Variants in DYNC2I1 observed in about 807,000 individuals in gnomAD.
DYNC2I1 encodes dynein 2 intermediate chain 1, also known as cytoplasmic dynein 2 intermediate chain 1.
In DYNC2I1, 89 loss-of-function variants were observed where a neutral mutation model predicts 133.4. That is an observed-to-expected ratio of 0.67 (90% CI 0.56 to 0.80). DYNC2I1 has a LOEUF of 0.80. Ranked by LOEUF, DYNC2I1 falls within the 30% of genes least tolerant of loss-of-function variation. DYNC2I1 has a pLI of 0.00. For synonymous variants in DYNC2I1, 504 were observed against 484.3 expected, an observed-to-expected ratio of 1.04 and a Z score of -0.54; for missense variants, 1,291 against 1,314.5, an observed-to-expected ratio of 0.98 and a Z score of 0.28.
At chr7:158,854,226 C>T (rs1468445305), upstream of DYNC2I1, among the ~76,000 whole-genome samples, 10 of 152,096 alleles carry the variant, frequency 6.6e-5, no homozygotes, top group African/African-American at 2.4e-4. Context: ...TTAGGTTTTA[C>T]AATAGTGATA....
At chr7:158,873,666 G>A (rs1051532443) in intron 3 of DYNC2I1, among the ~76,000 whole-genome samples, 5 of 152,108 alleles carry the variant, frequency 3.3e-5, no homozygotes, top group Non-Finnish European at 7.4e-5. Flanking sequence ...TTGCCCTGTC[G>A]CCCAGGTTGT....
intron 23 of DYNC2I1, among the ~76,000 whole-genome samples, chr7:158,935,211 C>G (rs1038742038): frequency 1.3e-5 from 2 of 152,364 alleles, no homozygotes; most frequent in East Asian, 3.9e-4. Context: ...AGTCCCTGCG[C>G]TGCACTCATG....
downstream of DYNC2I1, among the ~76,000 whole-genome samples, chr7:158,946,450 A>C (rs374792282): frequency 6.6e-6 from 1 of 152,238 alleles, no homozygotes; most frequent in African/African-American, 2.4e-5. Context: ...CTGCAGGTGG[A>C]ATTCAGCATC....
chr7:158,859,150 C>G (rs11971396), intron 1 of DYNC2I1, among the ~76,000 whole-genome samples: 2,682 of 149,334 alleles, frequency 0.018, 78 homozygotes, highest in African/African-American at 0.062. Flanking sequence ...TGCGAGCTAC[C>G]ATGCCTGGCC....
chr7:158,880,696 CAAAAATGTA>C (rs1429787181), intron 5 of DYNC2I1, among the ~76,000 whole-genome samples: 1 of 152,150 alleles, frequency 6.6e-6, no homozygotes, highest in African/African-American at 2.4e-5. Context: ...CAAGACAGAA[CAAAAATGTA>C]AAAGCATTGA....
chr7:158,864,109 A>G lies in DYNC2I1; in HGVS notation c.16-5746A>G, dbSNP rs377541950. ...GGTGTGGGGGGAGAGGGACGTCCTT[A>G]GCTCCGGGTGTGGGGGGGGGAGCAG... On this transcript the variant is annotated intron_variant, in intron 1 of 24. Transcript: ENST00000407559. Among the ~76,000 whole-genome samples, 3 of 65,080 alleles carry G rather than the reference A, an allele frequency of 4.6e-5. No individual in the cohort carries two copies. The South Asian group carries it at 1.8e-3, about 39-fold the overall frequency. 42.7% of individuals were successfully genotyped at this position (65,080 alleles called of 152,430 possible).
intron 14 of DYNC2I1, among the ~76,000 whole-genome samples, chr7:158,915,681 ACGT>A (rs72184687): frequency 7.5e-5 from 10 of 133,344 alleles, no homozygotes; most frequent in Admixed American, 1.4e-4. Flanking sequence ...TGATTGTGAA[ACGT>A]CGACACGCTG....
At chr7:158,918,423 C>T (rs562588747) in intron 14 of DYNC2I1, among the ~76,000 whole-genome samples, 3 of 152,212 alleles carry the variant, frequency 2.0e-5, no homozygotes, top group South Asian at 4.2e-4. Context: ...CATGACTGCT[C>T]TTTACACTGC....
At chr7:158,844,914 C>T in the DYNC2I1 span, among the ~76,000 whole-genome samples, 1 of 152,176 alleles carries the variant, frequency 6.6e-6, no homozygotes, top group African/African-American at 2.4e-5. Flanking sequence ...AGCCACTGTG[C>T]CCAGTCTAAT....
intron 7 of DYNC2I1, among the ~76,000 whole-genome samples, chr7:158,887,697 A>T (rs1181210458): frequency 6.6e-6 from 1 of 152,224 alleles, no homozygotes; most frequent in African/African-American, 2.4e-5. Flanking sequence ...AGATCTCCCC[A>T]CAAAGTCGCT....
At chr7:158,863,579 TGTG>T (rs1842071878) in intron 1 of DYNC2I1, among the ~76,000 whole-genome samples, 1 of 132,696 alleles carries the variant, frequency 7.5e-6, no homozygotes, top group African/African-American at 2.8e-5. Context: ...GCTCCAGGTG[TGTG>T]TGAGGGGGGC....
intron 4 of DYNC2I1, among the ~76,000 whole-genome samples, chr7:158,951,308 G>A (rs150920900): frequency 6.6e-5 from 10 of 152,218 alleles, no homozygotes; most frequent in Admixed American, 5.2e-4. Flanking sequence ...CTTCTACTTG[G>A]CAGGGACCCT....
chr7:158,915,627 ACAGGAT>A (rs1848088142), intron 14 of DYNC2I1, among the ~76,000 whole-genome samples: 22 of 89,914 alleles, frequency 2.4e-4, no homozygotes, highest in East Asian at 3.7e-4. Context: ...ACGCTGGTTG[ACAGGAT>A]GATTGTGAAA....
intron 4 of DYNC2I1, among the ~76,000 whole-genome samples, chr7:158,877,037 G>T (rs1265628803): frequency 6.6e-6 from 1 of 152,206 alleles, no homozygotes; most frequent in Non-Finnish European, 1.5e-5. Context: ...GTTTTCTTTA[G>T]ATTTTTACTG....
intron 8 of DYNC2I1, among the ~76,000 whole-genome samples, chr7:158,893,319 A>G (rs1357026711): frequency 6.6e-6 from 1 of 152,116 alleles, no homozygotes; most frequent in Non-Finnish European, 1.5e-5. Flanking sequence ...TGTCTTATAC[A>G]GCTGCTCCTC....
chr7:158,841,190 TATATATATATATATATATATATATA>T, the DYNC2I1 span, among the ~76,000 whole-genome samples: 15 of 87,432 alleles, frequency 1.7e-4, no homozygotes, highest in African/African-American at 7.8e-4. Flanking sequence ...TATATATATA[TATATATATATATATATATATATATA>T]TATATATTTT....
At position 158,856,598 on chromosome 7, in the gene DYNC2I1, C is replaced by T. The variant is rs1841248978; in HGVS notation, c.-138C>T. 8 of 917,750 alleles carry T rather than the reference C, an allele frequency of 8.7e-6. No homozygotes were observed. Among genetic ancestry groups the T allele is most frequent in the South Asian group, 5.7e-5 (1 of 17,624 alleles). The allele number at this position is 917,750 out of a possible 1,614,324, so 56.9% of individuals were successfully genotyped here. The stretch of plus-strand genomic sequence containing the variant: ...GCACGCTGGGCAGTGCTTCTGGGCC[C>T]TCTGCTGCTCCTGCTTGTCGGTTGC... On this transcript the variant is annotated 5_prime_UTR_variant, in exon 1 of 25. Coordinates refer to ENST00000407559, the MANE Select transcript of DYNC2I1 (RefSeq NM_018051.5).
At chr7:158,875,240 G>A (rs573444167) in intron 3 of DYNC2I1, among the ~76,000 whole-genome samples, 53 of 151,712 alleles carry the variant, frequency 3.5e-4, no homozygotes, top group Non-Finnish European at 6.3e-4. Flanking sequence ...GATTACAGGC[G>A]CACGCCACGA....
intron 23 of DYNC2I1, among the ~76,000 whole-genome samples, chr7:158,941,000 A>T (rs1285554878): frequency 6.6e-6 from 1 of 152,172 alleles, no homozygotes; most frequent in Non-Finnish European, 1.5e-5. Context: ...GAAATAAATA[A>T]ATTGAGACAA....
Sources: allele counts gnomAD v4.1 joint callset (sites outside exome capture counted in the v4.1 genomes callset), GRCh38; gene constraint gnomAD v4.1.1; transcripts MANE v1.5; gene names NCBI Gene and HGNC (gene_info 2026-07-23, HGNC 2026-07-21).